The following GPC5 variants were observed in gnomAD, a reference collection of about 807,000 sequenced individuals.
GPC5 encodes glypican 5.
In GPC5, 47 loss-of-function variants were observed where a neutral mutation model predicts 53.9. That is an observed-to-expected ratio of 0.87 (90% CI 0.69 to 1.11). GPC5 has a LOEUF of 1.11. GPC5 is among the 50% of genes most tolerant of loss of function. GPC5 has a pLI of 0.00. For synonymous variants in GPC5, 286 were observed against 263.3 expected (o/e 1.09, Z -0.84); for missense variants, 748 against 713.1 (o/e 1.05, Z -0.56).
intron 7 of GPC5, among the ~76,000 whole-genome samples, chr13:92,304,344 A>G (rs1050347449): frequency 6.6e-6 from 1 of 151,842 alleles, no homozygotes; most frequent in Admixed American, 6.6e-5. Flanking sequence ...AGCTGGGACT[A>G]TAGGCGCCTG....
intron 6 of GPC5, among the ~76,000 whole-genome samples, chr13:92,108,917 A>C (rs2138923726): frequency 6.6e-6 from 1 of 152,232 alleles, no homozygotes; most frequent in East Asian, 1.9e-4. Flanking sequence ...GTACATCTCT[A>C]CTATGAAATA....
At chr13:91,817,102 C>T (rs2038411759) in intron 5 of GPC5, among the ~76,000 whole-genome samples, 1 of 152,134 alleles carries the variant, frequency 6.6e-6, no homozygotes, top group Non-Finnish European at 1.5e-5. Flanking sequence ...ATTTTAGGCA[C>T]TTCATAGGAA....
At chr13:92,552,032 G>T (rs577659047) in intron 7 of GPC5, among the ~76,000 whole-genome samples, 29 of 151,858 alleles carry the variant, frequency 1.9e-4, no homozygotes, top group Non-Finnish European at 1.8e-4. Flanking sequence ...TGTAAAATGA[G>T]AAATCTCCAA....
chr13:92,334,534 T>C (rs2043309423), intron 7 of GPC5, among the ~76,000 whole-genome samples: 2 of 152,126 alleles, frequency 1.3e-5, no homozygotes, highest in South Asian at 4.1e-4. Context: ...AACACAATTA[T>C]GCCCTCCCAA....
chr13:92,756,042 G>C (rs2139332520), intron 7 of GPC5, among the ~76,000 whole-genome samples: 1 of 152,150 alleles, frequency 6.6e-6, no homozygotes, highest in African/African-American at 2.4e-5. Flanking sequence ...GAGAGTTTTA[G>C]ACCAATATCC....
At chr13:92,354,244 A>G (rs990615663) in intron 7 of GPC5, among the ~76,000 whole-genome samples, 7 of 152,222 alleles carry the variant, frequency 4.6e-5, no homozygotes, top group African/African-American at 1.7e-4. Flanking sequence ...CCACAAAGAA[A>G]TCACGCTATT....
In GPC5 at chr13:91,967,816, A is replaced by G. The variant is rs1285736066; in HGVS notation, c.1401+59759A>G. ...GCATGTAATTTCAACTAAAGTTTAT[A>G]CAATTTATCTGGCCATATTAGAGAG... is the stretch of plus-strand genomic sequence containing the variant. On this transcript the variant is annotated intron_variant, in intron 6 of 7. Coordinates refer to ENST00000377067, the MANE Select transcript of GPC5 (RefSeq NM_004466.6). Among the ~76,000 whole-genome samples, 3 of 152,144 alleles carry G rather than the reference A, an allele frequency of 2.0e-5. No homozygotes were observed. The South Asian group carries it at 6.2e-4, about 31-fold the overall frequency.
intron 2 of GPC5, among the ~76,000 whole-genome samples, chr13:91,677,992 T>A (rs1449466273): frequency 1.3e-5 from 2 of 152,228 alleles, no homozygotes; most frequent in African/African-American, 2.4e-5. Flanking sequence ...TGATTGATTT[T>A]GTGCTTTATA....
chr13:92,774,782 G>T (rs1325088810), intron 7 of GPC5, among the ~76,000 whole-genome samples: 2 of 152,118 alleles, frequency 1.3e-5, no homozygotes, highest in Non-Finnish European at 2.9e-5. Flanking sequence ...TAAGGCAACA[G>T]ATTTTTAATA....
intron 7 of GPC5, among the ~76,000 whole-genome samples, chr13:92,255,180 C>A (rs1283688151): frequency 6.6e-6 from 1 of 152,086 alleles, no homozygotes; most frequent in East Asian, 1.9e-4. Context: ...TTGCAACCAA[C>A]CTCCCAGGGA....
Position 92,835,882 on chromosome 13 carries a change from C to T in GPC5, c.1562-30400C>T, listed in dbSNP as rs116892887. Reference sequence around the variant, plus strand: ...GTATCTTGTGTATGTTACTGTAAATCTGATTGATATGAAATGCTATGGTAA... The same window carrying T: ...GTATCTTGTGTATGTTACTGTAAATTTGATTGATATGAAATGCTATGGTAA... On this transcript the variant is annotated intron_variant, in intron 7 of 7. Coordinates refer to ENST00000377067, the MANE Select transcript of GPC5 (RefSeq NM_004466.6). Among the ~76,000 whole-genome samples, 114 of 152,046 alleles carry T rather than the reference C, an allele frequency of 7.5e-4. 3 individuals carry two copies. The East Asian group carries it at 0.021, about 28-fold the overall frequency.
At chr13:91,621,323 A>G (rs895183608) in intron 2 of GPC5, among the ~76,000 whole-genome samples, 1 of 152,070 alleles carries the variant, frequency 6.6e-6, no homozygotes, top group Admixed American at 6.6e-5. Context: ...TGATAACAGC[A>G]CACATATTTC....
At chr13:91,406,376 G>A (rs1201507345) in intron 1 of GPC5, among the ~76,000 whole-genome samples, 1 of 152,066 alleles carries the variant, frequency 6.6e-6, no homozygotes, top group Non-Finnish European at 1.5e-5. Flanking sequence ...TTATATAAAT[G>A]GGTTAAAGAT....
At chr13:92,705,076 T>C (rs1468935241) in intron 7 of GPC5, among the ~76,000 whole-genome samples, 2 of 151,898 alleles carry the variant, frequency 1.3e-5, no homozygotes, top group Non-Finnish European at 2.9e-5. Flanking sequence ...AAAAGTTTAG[T>C]GATTGTGTTA....
chr13:92,338,946 G>C (rs2043344571), intron 7 of GPC5, among the ~76,000 whole-genome samples: 1 of 152,060 alleles, frequency 6.6e-6, no homozygotes, highest in Non-Finnish European at 1.5e-5. Flanking sequence ...CACTTAGTGT[G>C]TGATGTTGAT....
At chr13:91,964,018 G>C (rs768740258) in intron 6 of GPC5, among the ~76,000 whole-genome samples, 19 of 152,194 alleles carry the variant, frequency 1.2e-4, no homozygotes, top group Middle Eastern at 6.8e-3. Flanking sequence ...TGGGTTCTTG[G>C]TCTCGCCGAC....
At chr13:92,564,885 G>T (rs1169440420) in intron 7 of GPC5, among the ~76,000 whole-genome samples, 1 of 151,980 alleles carries the variant, frequency 6.6e-6, no homozygotes, top group Non-Finnish European at 1.5e-5. Flanking sequence ...CCAAATAAAA[G>T]ATGTTATTCT....
At chr13:91,915,637 A>G (rs1243368617) in intron 6 of GPC5, among the ~76,000 whole-genome samples, 1 of 152,168 alleles carries the variant, frequency 6.6e-6, no homozygotes, top group African/African-American at 2.4e-5. Flanking sequence ...TAAAACTTTT[A>G]TATTTTTTAT....
intron 1 of GPC5, among the ~76,000 whole-genome samples, chr13:91,443,066 T>C (rs1880549150): frequency 6.6e-6 from 1 of 152,204 alleles, no homozygotes; most frequent in South Asian, 2.1e-4. Flanking sequence ...TTTAAGCATA[T>C]TTGATTGGTT....
Sources: gnomAD v4.1 joint callset for allele counts (sites outside exome capture counted in the v4.1 genomes callset) on GRCh38, gnomAD v4.1.1 for gene constraint, MANE v1.5 for transcripts, NCBI Gene and HGNC (gene_info 2026-07-23, HGNC 2026-07-21) for gene names.